The following EXOC6B variants were observed in gnomAD, a reference collection of about 807,000 sequenced individuals.
EXOC6B encodes the protein exocyst complex component 6B.
In EXOC6B, 54 loss-of-function variants were observed where a neutral mutation model predicts 113.5. The observed-to-expected ratio is 0.48, with a 90% CI of 0.38 to 0.60. The LOEUF is 0.60. EXOC6B is among the 20% of genes least tolerant of loss of function. The pLI is 0.00. For missense variants in EXOC6B, 797 were observed against 977.5 expected, an observed-to-expected ratio of 0.82 and a Z score of 2.46; for synonymous variants, 357 against 339.0, an observed-to-expected ratio of 1.05 and a Z score of -0.58.
intron 6 of EXOC6B, among the ~76,000 whole-genome samples, chr2:72,684,151 G>A (rs545770099): frequency 5.7e-4 from 87 of 152,066 alleles, no homozygotes; most frequent in African/African-American, 2.0e-3. Context: ...GGTCTTGAAC[G>A]CCTGACCTCA....
chr2:72,487,670 G>A (rs583673), intron 16 of EXOC6B, among the ~76,000 whole-genome samples: 18,160 of 152,188 alleles, frequency 0.12, 1,197 homozygotes, highest in African/African-American at 0.18. Context: ...TACACTGACA[G>A]TTTTAAGGAG....
intron 20 of EXOC6B, among the ~76,000 whole-genome samples, chr2:72,261,927 C>A (rs764318471): frequency 1.3e-5 from 2 of 152,080 alleles, no homozygotes; most frequent in Non-Finnish European, 2.9e-5. Flanking sequence ...ATTATCATAG[C>A]TAACTGCCTC....
chr2:72,265,282 G>T (rs1038872661), intron 20 of EXOC6B, among the ~76,000 whole-genome samples: 33 of 139,700 alleles, frequency 2.4e-4, no homozygotes, highest in African/African-American at 9.6e-4. Context: ...CTTTAAGTTT[G>T]AGGGTACATG....
chr2:72,612,132 A>G (rs1671111433), intron 6 of EXOC6B, among the ~76,000 whole-genome samples: 1 of 152,026 alleles, frequency 6.6e-6, no homozygotes. Context: ...AAAATTAGCC[A>G]GGCGTGGAGG....
chr2:72,358,907 C>G (rs886436391), intron 19 of EXOC6B, among the ~76,000 whole-genome samples: 4 of 152,172 alleles, frequency 2.6e-5, no homozygotes, highest in Non-Finnish European at 5.9e-5. Flanking sequence ...TCCCTCCCAT[C>G]TTCAGAGCTA....
At chr2:72,602,926 T>C (rs1670518407) in intron 6 of EXOC6B, among the ~76,000 whole-genome samples, 1 of 152,098 alleles carries the variant, frequency 6.6e-6, no homozygotes, top group African/African-American at 2.4e-5. Context: ...CAAATTTTGT[T>C]GGAACAAGGG....
chr2:72,205,962 G>C (rs994359542), intron 20 of EXOC6B, among the ~76,000 whole-genome samples: 1 of 152,178 alleles, frequency 6.6e-6, no homozygotes, highest in African/African-American at 2.4e-5. Flanking sequence ...GCCTGGACTT[G>C]GAGAAGAAAC....
At chr2:72,667,755 T>C (rs1675498715) in intron 6 of EXOC6B, among the ~76,000 whole-genome samples, 1 of 152,166 alleles carries the variant, frequency 6.6e-6, no homozygotes, top group Non-Finnish European at 1.5e-5. Context: ...ATGTAAGACC[T>C]CAAACTACAA....
intron 6 of EXOC6B, among the ~76,000 whole-genome samples, chr2:72,595,950 G>C (rs1238463697): frequency 6.6e-6 from 1 of 152,108 alleles, no homozygotes; most frequent in African/African-American, 2.4e-5. Flanking sequence ...TCCTGAACTT[G>C]AAGTCTAAAA....
At chr2:72,302,924 T>G (rs945952709) in intron 20 of EXOC6B, among the ~76,000 whole-genome samples, 1 of 152,216 alleles carries the variant, frequency 6.6e-6, no homozygotes, top group Non-Finnish European at 1.5e-5. Flanking sequence ...CATTAGTCTG[T>G]GTACTTAAGT....
At chr2:72,587,390 A>C (rs1183665326) in intron 6 of EXOC6B, among the ~76,000 whole-genome samples, 1 of 152,184 alleles carries the variant, frequency 6.6e-6, no homozygotes, top group Non-Finnish European at 1.5e-5. Flanking sequence ...TAAAGATGGC[A>C]ACAATAGACA....
chr2:72,576,603 C>A (rs1177054497), intron 6 of EXOC6B, among the ~76,000 whole-genome samples: 1 of 152,052 alleles, frequency 6.6e-6, no homozygotes, highest in East Asian at 1.9e-4. Context: ...CATCAACAGT[C>A]CCTCAAAGCG....
chr2:72,707,878 C>G (rs1678990693), intron 6 of EXOC6B, among the ~76,000 whole-genome samples: 2 of 151,666 alleles, frequency 1.3e-5, no homozygotes, highest in South Asian at 4.2e-4. Context: ...GACATTAATG[C>G]TATAGAGGAA....
chr2:72,741,983 ATGTGT>A (rs1220580621), intron 1 of EXOC6B, among the ~76,000 whole-genome samples: 1 of 152,210 alleles, frequency 6.6e-6, no homozygotes, highest in Non-Finnish European at 1.5e-5. Flanking sequence ...TAAAGTACTT[ATGTGT>A]GGGAACCTTA....
At chr2:72,778,699 A>T (rs1325064423) in intron 1 of EXOC6B, among the ~76,000 whole-genome samples, 1 of 152,160 alleles carries the variant, frequency 6.6e-6, no homozygotes, top group East Asian at 1.9e-4. Context: ...ACAAATCATG[A>T]CTAAGATTTG....
At chr2:72,645,330 C>G (rs960190276) in intron 6 of EXOC6B, among the ~76,000 whole-genome samples, 1 of 152,094 alleles carries the variant, frequency 6.6e-6, no homozygotes, top group Admixed American at 6.5e-5. Flanking sequence ...GACTCCCACA[C>G]AATAATAATG....
chr2:72,613,329 T>G (rs1024038022), intron 6 of EXOC6B, among the ~76,000 whole-genome samples: 1 of 152,050 alleles, frequency 6.6e-6, no homozygotes, highest in African/African-American at 2.4e-5. Flanking sequence ...TTTAAGCCTA[T>G]AGTCAGTTAT....
chr2:72,336,917 G>C (rs1024916219), intron 19 of EXOC6B, among the ~76,000 whole-genome samples: 17 of 151,136 alleles, frequency 1.1e-4, no homozygotes, highest in African/African-American at 4.1e-4. Context: ...TGATACAGGA[G>C]AATCACTTGT....
chr2:72,608,183 AT>A (rs1296152184), intron 6 of EXOC6B, among the ~76,000 whole-genome samples: 1 of 152,098 alleles, frequency 6.6e-6, no homozygotes, highest in Non-Finnish European at 1.5e-5. Flanking sequence ...GAGCATTAAT[AT>A]TTGGTACACA....
Sources: allele counts gnomAD v4.1 joint callset (sites outside exome capture counted in the v4.1 genomes callset), GRCh38; gene constraint gnomAD v4.1.1; transcripts MANE v1.5; gene names NCBI Gene and HGNC (gene_info 2026-07-23, HGNC 2026-07-21).